DLG5: variants seen among roughly 807,000 people sequenced by gnomAD.
DLG5 encodes the protein discs large MAGUK scaffold protein 5.
A neutral mutation model predicts 189.8 loss-of-function variants in DLG5; 48 were observed. The ratio of observed to expected loss-of-function variants is 0.25; its 90% CI spans 0.20 to 0.32. The LOEUF (loss-of-function observed/expected upper bound fraction) is 0.32. Among genes scored for constraint, DLG5 ranks in the 10% least tolerant of loss-of-function variants. The probability of loss-of-function intolerance (pLI) is 1.00; values close to 1 mark genes in which losing one functional copy is unlikely to be tolerated. For missense variants in DLG5, 2,160 were observed against 2,544.7 expected (o/e 0.85, Z 3.25); for synonymous variants, 1,016 against 1,054.1 (o/e 0.96, Z 0.70).
chr10:77,820,957 C>G, intron 15 of DLG5, 125 bp downstream of exon 15: 1 of 1,340,328 alleles, frequency 7.5e-7, no homozygotes, highest in Admixed American at 2.6e-5. Flanking sequence ...AGTCCAACAG[C>G]AAAGGCAAAG....
intron 1 of DLG5, among the ~76,000 whole-genome samples, chr10:77,894,822 G>C (rs1379793904): frequency 6.6e-6 from 1 of 151,934 alleles, no homozygotes; most frequent in East Asian, 1.9e-4. Flanking sequence ...CTTCCTCCTG[G>C]GGAACAAGGC....
chr10:77,866,037 T>C (rs56138814), intron 2 of DLG5, among the ~76,000 whole-genome samples: 41,948 of 152,178 alleles, frequency 0.28, 6,445 homozygotes, highest in Non-Finnish European at 0.35. Flanking sequence ...GATCTTGCTC[T>C]TGCCTTTTCT....
At position 77,835,730 on chromosome 10, in the gene DLG5, C is replaced by A. The variant is rs137963889; in HGVS notation, c.1622+8G>T. 6.2e-7 allele frequency: 1 copy of A among 1,606,804 alleles called. No individual in the cohort carries two copies. Among genetic ancestry groups the A allele is most frequent in the Non-Finnish European group, 8.5e-7 (1 of 1,177,838 alleles). ...GCAAGCCCACGCCAGCTTGAGGTCA[C>A]CCCATACCGGATGCTGTCACGCTCT... On this transcript the variant is annotated splice_region_variant and intron_variant, in intron 8 of 31. Coordinates refer to ENST00000372391, the MANE Select transcript of DLG5 (RefSeq NM_004747.4).
At chr10:77,929,738 G>A (rs1022989071), upstream of DLG5, 3 of 152,248 alleles carry the variant, frequency 2.0e-5, no homozygotes, top group African/African-American at 7.2e-5. Context: ...TTCTCCCTGA[G>A]AGTATCCAGA....
chr10:77,828,721 T>C (rs1318331383), intron 13 of DLG5, among the ~76,000 whole-genome samples, 161 bp downstream of exon 13: 4 of 152,156 alleles, frequency 2.6e-5, no homozygotes, highest in Non-Finnish European at 5.9e-5. Flanking sequence ...CTACAGTAAA[T>C]AGAAACATAC....
chr10:77,809,269 C>T (rs955299158), intron 24 of DLG5, among the ~76,000 whole-genome samples: 14 of 149,292 alleles, frequency 9.4e-5, no homozygotes, highest in African/African-American at 3.0e-4. Context: ...AGCCGGGTAT[C>T]GTGGCACATG....
chr10:77,889,081 C>T (rs1845530074), intron 1 of DLG5, among the ~76,000 whole-genome samples: 1 of 145,088 alleles, frequency 6.9e-6, no homozygotes, highest in Non-Finnish European at 1.5e-5. Context: ...CTCACAAGCC[C>T]ACAGGTAACC....
At chr10:77,935,976 A>T in the DLG5 span, among the ~76,000 whole-genome samples, 9 of 152,204 alleles carry the variant, frequency 5.9e-5, no homozygotes, top group Non-Finnish European at 1.5e-5. Flanking sequence ...GCCATATTGC[A>T]CACACCTTTT....
Position 77,794,081 on chromosome 10 carries a change from C to T in DLG5, c.5583G>A (p.Val1861=), listed in dbSNP as rs768954963. The part of the protein sequence containing the change: ...QRDPIYLRDK[V]TQRHSKEQFE... ...ACTGCTCTTTGGAATGCCTCTGAGT[C>T]ACCTTGTCCCTCAGGTAGATGGGGT... The change falls in exon 31 of 32, where the codon GTG becomes GTA. Residue 1861 remains valine (V), a synonymous_variant. Coordinates refer to ENST00000372391, the MANE Select transcript of DLG5 (RefSeq NM_004747.4). 4 of 1,614,200 alleles carry T rather than the reference C, an allele frequency of 2.5e-6. No homozygotes were observed. In the South Asian group the frequency reaches 3.3e-5, roughly 13 times the overall value.
intron 23 of DLG5, among the ~76,000 whole-genome samples, chr10:77,810,875 A>G (rs1267531496): frequency 2.0e-5 from 3 of 152,360 alleles, no homozygotes; most frequent in Middle Eastern, 3.4e-3. Context: ...ATGCAGGGGA[A>G]AAAACAAGTC....
chr10:77,855,008 T>A (rs1844163872), intron 3 of DLG5, among the ~76,000 whole-genome samples: 1 of 151,794 alleles, frequency 6.6e-6, no homozygotes, highest in Non-Finnish European at 1.5e-5. Flanking sequence ...ACTAAATAAA[T>A]AAATAAATAA....
intron 1 of DLG5, among the ~76,000 whole-genome samples, chr10:77,904,916 G>A (rs550107148): frequency 1.3e-5 from 2 of 151,848 alleles, no homozygotes; most frequent in Non-Finnish European, 2.9e-5. Context: ...ATTGCCTGAG[G>A]TCAGGAGTTT....
intron 13 of DLG5, 134 bp from the exon 14 acceptor site, chr10:77,824,610 G>A: frequency 1.5e-6 from 1 of 665,612 alleles, no homozygotes; most frequent in Non-Finnish European, 2.6e-6. Context: ...AGTTGGCAAA[G>A]GATAGAGGTC....
chr10:77,879,914 A>G (rs1845224066), intron 1 of DLG5, among the ~76,000 whole-genome samples: 1 of 152,000 alleles, frequency 6.6e-6, no homozygotes, highest in Non-Finnish European at 1.5e-5. Context: ...ATGGATGTAC[A>G]GGCCTCAAGT....
rs964353952 is a variant in DLG5, at chr10:77,792,515, G to A, written c.5685C>T (p.Ser1895=). 1.5e-5 allele frequency: 25 copies of A among 1,614,186 alleles called. No individual in the cohort carries two copies. Among genetic ancestry groups the A allele is most frequent in the Non-Finnish European group, 2.1e-5 (25 of 1,180,030 alleles). ...CCATTGCCAAGATCTGAGTGCAAAT[G>A]CTTGACAGGGCTCCTCCCTGGATGA... is the stretch of plus-strand genomic sequence containing the variant. ...TGVIQGGALS[S]ICTQILAMVN... The change falls in exon 32 of 32, where the codon AGC becomes AGT. Residue 1895 remains serine (S), a synonymous_variant. Transcript: ENST00000372391.
intron 17 of DLG5, among the ~76,000 whole-genome samples, chr10:77,818,287 A>G (rs545820834): frequency 6.6e-6 from 1 of 152,204 alleles, no homozygotes; most frequent in East Asian, 1.9e-4. Flanking sequence ...TATGTGCCTC[A>G]CTCGGGACAG....
chr10:77,909,707 T>C (rs1267091571), intron 1 of DLG5, among the ~76,000 whole-genome samples: 1 of 152,048 alleles, frequency 6.6e-6, no homozygotes, highest in Non-Finnish European at 1.5e-5. Flanking sequence ...GCATATATAC[T>C]CACACCCACA....
intron 27 of DLG5, among the ~76,000 whole-genome samples, chr10:77,803,764 T>C (rs1011444223): frequency 6.6e-6 from 1 of 151,066 alleles, no homozygotes; most frequent in African/African-American, 2.4e-5. Context: ...ATGCCAAACA[T>C]AATGGAGATG....
intron 1 of DLG5, among the ~76,000 whole-genome samples, chr10:77,885,372 A>G (rs1845407070): frequency 1.3e-5 from 2 of 152,242 alleles, no homozygotes; most frequent in Admixed American, 1.3e-4. Flanking sequence ...AGAGGAGATC[A>G]CAGAAGGATT....
Sources: allele counts gnomAD v4.1 joint callset (sites outside exome capture counted in the v4.1 genomes callset), GRCh38; gene constraint gnomAD v4.1.1; transcripts MANE v1.5; gene names NCBI Gene and HGNC (gene_info 2026-07-23, HGNC 2026-07-21).